The following IPCEF1 variants were observed in gnomAD, a reference collection of about 807,000 sequenced individuals.
The protein encoded by IPCEF1 is interactor protein for cytohesin exchange factors 1.
Under a neutral mutation model 50.9 loss-of-function variants are expected in IPCEF1, and 31 were observed. That is an observed-to-expected ratio of 0.61 (90% CI 0.46 to 0.82). The LOEUF (loss-of-function observed/expected upper bound fraction) is 0.82. Ranked by LOEUF, IPCEF1 falls within the 40% of genes least tolerant of loss-of-function variation. The probability of loss-of-function intolerance (pLI) is 0.00; values close to 1 mark genes in which losing one functional copy is unlikely to be tolerated. For missense variants in IPCEF1, 458 were observed against 514.0 expected (o/e 0.89, Z 1.05); for synonymous variants, 181 against 192.0 (o/e 0.94, Z 0.47).
At chr6:154,202,082 G>T (rs986832234) in intron 9 of IPCEF1, among the ~76,000 whole-genome samples, 2 of 152,156 alleles carry the variant, frequency 1.3e-5, no homozygotes, top group African/African-American at 4.8e-5. Context: ...TCTGAGTTTT[G>T]ATGGGAGAAG....
chr6:154,295,867 GCACACACA>G (rs59302680), intron 1 of IPCEF1, among the ~76,000 whole-genome samples: 6 of 147,898 alleles, frequency 4.1e-5, no homozygotes, highest in African/African-American at 7.4e-5. Flanking sequence ...ATGTGCACAC[GCACACACA>G]CACACACACA....
At chr6:154,207,709 G>T (rs1370580375) in intron 9 of IPCEF1, among the ~76,000 whole-genome samples, 1 of 152,088 alleles carries the variant, frequency 6.6e-6, no homozygotes, top group African/African-American at 2.4e-5. Flanking sequence ...GCCACAGTTT[G>T]CAGGATTTAT....
chr6:154,235,553 T>C (rs961491159), intron 5 of IPCEF1, among the ~76,000 whole-genome samples: 5 of 120,578 alleles, frequency 4.1e-5, no homozygotes, highest in African/African-American at 1.7e-4. Context: ...AAAAAAAAAG[T>C]AATGAAGACA....
chr6:154,210,962 A>C (rs1401481295), intron 9 of IPCEF1, among the ~76,000 whole-genome samples: 1 of 152,226 alleles, frequency 6.6e-6, no homozygotes, highest in East Asian at 1.9e-4. Flanking sequence ...TCAATATAAT[A>C]CCTTAAATCC....
intron 3 of IPCEF1, among the ~76,000 whole-genome samples, chr6:154,248,696 T>C (rs139844308): frequency 4.9e-4 from 75 of 152,230 alleles, no homozygotes; most frequent in Non-Finnish European, 9.9e-4. Flanking sequence ...TTATAATTAG[T>C]AGCTGTGGTG....
Position 154,199,911 on chromosome 6 carries a change from G to C in IPCEF1, c.667C>G (p.Pro223Ala). The C allele has an allele frequency of 6.2e-7, 1 of 1,614,174 alleles. No homozygotes were observed. The highest frequency in any genetic ancestry group is 8.5e-7 in the Non-Finnish European group (1 of 1,180,028). Residue 223 changes from proline to alanine, a missense_variant, in exon 10 of 12, where the codon CCT becomes GCT. Coordinates refer to ENST00000367220, the MANE Select transcript of IPCEF1 (RefSeq NM_001130700.2). ...GCAGACAAACTGTTAACTGTGTCAGGCAAGGATTGTCTCTCTTTAGATAAG... is the reference window on the plus strand; with the variant it reads ...GCAGACAAACTGTTAACTGTGTCAGCCAAGGATTGTCTCTCTTTAGATAAG... ...SSLSKERQSL[P>A]DTVNSLSAAE...
intron 1 of IPCEF1, among the ~76,000 whole-genome samples, chr6:154,326,690 T>C (rs1346213579): frequency 6.6e-6 from 1 of 152,170 alleles, no homozygotes; most frequent in Non-Finnish European, 1.5e-5. Flanking sequence ...CCATTGACAT[T>C]CTTCACAGAA....
intron 1 of IPCEF1, among the ~76,000 whole-genome samples, chr6:154,324,784 G>A (rs1783479581): frequency 1.3e-5 from 2 of 152,184 alleles, no homozygotes; most frequent in South Asian, 2.1e-4. Context: ...CTCCAGCCTG[G>A]GTGACAGAGA....
At chr6:154,167,373 T>C (rs776936327) in intron 11 of IPCEF1, among the ~76,000 whole-genome samples, 2 of 152,140 alleles carry the variant, frequency 1.3e-5, no homozygotes, top group African/African-American at 2.4e-5. Flanking sequence ...TACCACAGAG[T>C]GTGTACTTCC....
intron 4 of IPCEF1, 115 bp from the exon 5 acceptor site, chr6:154,246,875 G>T: frequency 8.0e-7 from 1 of 1,246,054 alleles, no homozygotes. Context: ...ACCCCCCGGG[G>T]AGCTGGATTT....
chr6:154,202,090 A>G (rs1777115236), intron 9 of IPCEF1, among the ~76,000 whole-genome samples: 1 of 152,198 alleles, frequency 6.6e-6, no homozygotes, highest in South Asian at 2.1e-4. Context: ...TTGATGGGAG[A>G]AGCCAATATT....
intron 2 of IPCEF1, among the ~76,000 whole-genome samples, chr6:154,282,651 C>T (rs1287354333): frequency 2.0e-5 from 3 of 151,998 alleles, no homozygotes; most frequent in African/African-American, 7.2e-5. Flanking sequence ...AGCACCACTG[C>T]AGTCTGGCCT....
intron 1 of IPCEF1, among the ~76,000 whole-genome samples, chr6:154,301,675 T>C (rs1012983517): frequency 1.3e-5 from 2 of 152,188 alleles, no homozygotes; most frequent in Non-Finnish European, 1.5e-5. Context: ...CGGGGGATCA[T>C]GATCACTGAA....
chr6:154,301,980 C>T (rs974621146), intron 1 of IPCEF1, among the ~76,000 whole-genome samples: 2 of 152,126 alleles, frequency 1.3e-5, no homozygotes, highest in Admixed American at 6.5e-5. Flanking sequence ...TCTATTTGAG[C>T]GCTCATGGAG....
intron 1 of IPCEF1, among the ~76,000 whole-genome samples, chr6:154,309,527 C>T (rs1463770012): frequency 6.6e-6 from 1 of 152,130 alleles, no homozygotes; most frequent in African/African-American, 2.4e-5. Context: ...TACCTGTTAC[C>T]CTTCTCTTCC....
chr6:154,214,260 C>A lies in IPCEF1; in HGVS notation c.409G>T (p.Gly137Ter). Residue 137 changes from glycine to a stop codon, truncating the protein, a stop_gained, in exon 8 of 12, where the codon GGA (glycine) becomes TGA (stop). Coordinates refer to ENST00000367220, the MANE Select transcript of IPCEF1 (RefSeq NM_001130700.2). LOFTEE classifies it high-confidence loss of function. ...GATTCCTGATGGATTACAGCCGATC[C>A]AAGTTTATTTAACCACCTAAAATTC... ...QEMNVWLNKL[G>*]SAVIHQESTT... 1 of 1,610,768 alleles carries A rather than the reference C, an allele frequency of 6.2e-7. No homozygotes were observed. The highest frequency in any genetic ancestry group is 8.5e-7 in the Non-Finnish European group (1 of 1,176,980).
chr6:154,329,611 AAG>A (rs2128692167), intron 1 of IPCEF1, among the ~76,000 whole-genome samples: 1 of 151,988 alleles, frequency 6.6e-6, no homozygotes, highest in Admixed American at 6.6e-5. Flanking sequence ...AAAAAAAAGA[AAG>A]AAAGAGAGAG....
chr6:154,299,757 G>A (rs565741868), intron 1 of IPCEF1, among the ~76,000 whole-genome samples: 3 of 139,690 alleles, frequency 2.1e-5, no homozygotes, highest in Non-Finnish European at 3.2e-5. Flanking sequence ...AACTTAAAAC[G>A]AAATAAAATA....
intron 1 of IPCEF1, among the ~76,000 whole-genome samples, chr6:154,290,865 T>C (rs1782495849): frequency 6.6e-6 from 1 of 151,720 alleles, no homozygotes; most frequent in African/African-American, 2.4e-5. Context: ...TCTATTTTCC[T>C]GGAATTTTTC....
Sources: allele counts gnomAD v4.1 joint callset (sites outside exome capture counted in the v4.1 genomes callset), GRCh38; gene constraint gnomAD v4.1.1; transcripts MANE v1.5; gene names NCBI Gene and HGNC (gene_info 2026-07-23, HGNC 2026-07-21).